ATAD5: variants seen among roughly 807,000 people sequenced by gnomAD.
ATAD5 encodes the protein ATPase family AAA domain-containing protein 5.
ATAD5 carries 58 observed loss-of-function variants against 176.9 expected under a neutral mutation model. The observed-to-expected ratio is 0.33, with a 90% CI of 0.27 to 0.41. The LOEUF (loss-of-function observed/expected upper bound fraction) is 0.41, where lower values mean the gene tolerates loss of function less well. ATAD5 is among the 10% of genes least tolerant of loss of function. The pLI, the probability that ATAD5 is intolerant of heterozygous loss-of-function variation, is 1.00. For missense variants in ATAD5, 1,789 were observed against 2,094.1 expected (o/e 0.85, Z 2.84); for synonymous variants, 640 against 712.6 (o/e 0.90, Z 1.62).
intron 3 of ATAD5, among the ~76,000 whole-genome samples, chr17:30,839,527 G>A (rs1054679012): frequency 3.3e-5 from 5 of 150,238 alleles, no homozygotes; most frequent in Non-Finnish European, 5.9e-5. Flanking sequence ...TGCCCACCTC[G>A]GCCTCCCAAA....
At chr17:30,866,359 G>A (rs1463540118) in intron 11 of ATAD5, among the ~76,000 whole-genome samples, 5 of 150,646 alleles carry the variant, frequency 3.3e-5, no homozygotes, top group Non-Finnish European at 7.4e-5. Flanking sequence ...CGCCATGCCA[G>A]GCTAATTTTT....
At chr17:30,872,375 T>A (rs1908384368) in intron 14 of ATAD5, among the ~76,000 whole-genome samples, 1 of 152,084 alleles carries the variant, frequency 6.6e-6, no homozygotes, top group South Asian at 2.1e-4. Context: ...CATTCACAGC[T>A]CTCTGTGAGC....
rs1909852322 is a variant in ATAD5 at position 30,895,348 on chromosome 17, A to G, written c.*435A>G. On this transcript the variant is annotated 3_prime_UTR_variant, in exon 23 of 23. Transcript: ENST00000321990. ...CAAAAACAAAAACATTATCTGGTGA[A>G]TTATATTTTTAACCTAAAAGTTAAG... The G allele has an allele frequency of 6.6e-6, 1 of 151,808 alleles. No individual in the cohort carries two copies. Among genetic ancestry groups the G allele is most frequent in the African/African-American group, 2.4e-5 (1 of 41,272 alleles). 9.4% of individuals were successfully genotyped at this position (151,808 alleles called of 1,614,324 possible).
At chr17:30,851,193 A>G (rs1293507017) in intron 6 of ATAD5, among the ~76,000 whole-genome samples, 2 of 149,104 alleles carry the variant, frequency 1.3e-5, no homozygotes, top group Admixed American at 6.7e-5. Flanking sequence ...CGGTCTCTAA[A>G]AATATATATT....
chr17:30,888,009 CTT>C (rs1213004355), intron 19 of ATAD5, among the ~76,000 whole-genome samples: 1 of 151,328 alleles, frequency 6.6e-6, no homozygotes, highest in Non-Finnish European at 1.5e-5. Flanking sequence ...TTTTTTTTGT[CTT>C]TTTAGTAGAG....
chr17:30,845,996 G>T (rs1021212966), intron 6 of ATAD5, among the ~76,000 whole-genome samples: 1 of 152,120 alleles, frequency 6.6e-6, no homozygotes, highest in African/African-American at 2.4e-5. Flanking sequence ...CTTTTTTTCT[G>T]TTCAAGTTTT....
intron 2 of ATAD5, 85 bp downstream of exon 2, chr17:30,836,133 T>C (rs1254034978): frequency 9.8e-6 from 11 of 1,117,898 alleles, no homozygotes; most frequent in South Asian, 2.2e-5. Flanking sequence ...TTGGAGGGTA[T>C]TTTTTTTTCT....
chr17:30,873,184 A>G (rs1033864601), intron 14 of ATAD5, among the ~76,000 whole-genome samples: 1 of 152,036 alleles, frequency 6.6e-6, no homozygotes, highest in Non-Finnish European at 1.5e-5. Flanking sequence ...GAACTATTTT[A>G]ATTGGTTTGT....
chr17:30,881,024 C>CT (rs1597992159), intron 18 of ATAD5, among the ~76,000 whole-genome samples: 1 of 151,078 alleles, frequency 6.6e-6, no homozygotes, highest in East Asian at 1.9e-4. Flanking sequence ...GAACAAGGCA[C>CT]TTTTTTAACC....
chr17:30,893,034 G>A (rs1452412953), intron 20 of ATAD5, among the ~76,000 whole-genome samples: 1 of 152,028 alleles, frequency 6.6e-6, no homozygotes, highest in African/African-American at 2.4e-5. Flanking sequence ...TCAGAAAAGT[G>A]GTTTTAAATA....
intron 18 of ATAD5, among the ~76,000 whole-genome samples, chr17:30,880,608 CAAAAA>C (rs199862765): frequency 1.3e-5 from 1 of 79,238 alleles, no homozygotes. Context: ...AACTACATCT[CAAAAA>C]AAAAAAAAAA....
At chr17:30,870,251 T>C (rs944118989) in intron 14 of ATAD5, among the ~76,000 whole-genome samples, 5 of 152,184 alleles carry the variant, frequency 3.3e-5, no homozygotes, top group Non-Finnish European at 5.9e-5. Context: ...TCAGTTCTCT[T>C]AACTTTCTTT....
intron 3 of ATAD5, among the ~76,000 whole-genome samples, chr17:30,839,578 T>A (rs1905963216): frequency 7.0e-6 from 1 of 143,430 alleles, no homozygotes; most frequent in Admixed American, 6.8e-5. Flanking sequence ...CCCGGCCATC[T>A]TCTTTTTTTT....
At position 30,835,688 on chromosome 17, in the gene ATAD5, A is replaced by T; in HGVS notation, c.1607A>T (p.Asn536Ile). 1 of 1,608,326 alleles carries T rather than the reference A, an allele frequency of 6.2e-7. No homozygotes were observed. Residue 536 changes from asparagine to isoleucine, a missense_variant, in exon 2 of 23, where the codon AAT becomes ATT. Asn to Ile is a moderately radical substitution (Grantham distance 149). This residue lies in a region of ATAD5 where 696 missense variants were observed against 712.5 expected (regional missense o/e 0.98). Transcript: ENST00000321990. ...EFFKSSTLFNNESLVYEDIAN... is the reference protein window; with the variant it reads ...EFFKSSTLFNIESLVYEDIAN... ...TTCAAAAGCAGCACTTTATTTAACA[A>T]TGAAAGTCTTGTTTATGAAGATATA...
intron 19 of ATAD5, among the ~76,000 whole-genome samples, chr17:30,889,886 CTTT>C (rs60266614): frequency 4.7e-4 from 45 of 95,684 alleles, no homozygotes; most frequent in African/African-American, 1.6e-3. Context: ...TCTTTTCTTT[CTTT>C]TTTTTTTTTT....
At chr17:30,893,255 T>C in intron 20 of ATAD5, 39 bp from the exon 21 acceptor site, 1 of 1,528,586 alleles carries the variant, frequency 6.5e-7, no homozygotes, top group African/African-American at 1.4e-5. Context: ...TCAAACTATG[T>C]ACTGCTGTAA....
In ATAD5 at chr17:30,835,238, G is replaced by A. The variant is rs370872412; in HGVS notation, c.1157G>A (p.Gly386Glu). Residue 386 changes from glycine to glutamate, a missense_variant, in exon 2 of 23, where the codon GGA becomes GAA. Transcript: ENST00000321990. ...EELELAVLEAGSSEAVKPKCT... is the reference protein window; with the variant it reads ...EELELAVLEAESSEAVKPKCT... ...TTAGAATTGGCTGTTTTGGAAGCTGGAAGTTCTGAAGCTGTGAAACCAAAA... is the reference window on the plus strand; with the variant it reads ...TTAGAATTGGCTGTTTTGGAAGCTGAAAGTTCTGAAGCTGTGAAACCAAAA... 27 of 1,614,052 alleles carry A rather than the reference G, an allele frequency of 1.7e-5. No homozygotes were observed. The highest frequency in any genetic ancestry group is 2.3e-5 in the Non-Finnish European group (27 of 1,179,996).
chr17:30,834,306 GA>G lies in ATAD5; in HGVS notation c.226del (p.Thr76HisfsTer3). On this transcript the variant is annotated frameshift_variant, in exon 2 of 23. Coordinates refer to ENST00000321990, the MANE Select transcript of ATAD5 (RefSeq NM_024857.5). LOFTEE classifies it high-confidence loss of function. ...GAAAGACTTCACCCACAAATGAGAAGACACAATTAGGGAAAGAGTGCAAGAT... is the reference window on the plus strand; with the variant it reads ...GAAAGACTTCACCCACAAATGAGAAGCACAATTAGGGAAAGAGTGCAAGAT... ...FRKTSPTNEK[T>X]QLGKECKIKS... 6.2e-7 allele frequency: 1 copy of G among 1,613,310 alleles called. No homozygotes were observed. Among genetic ancestry groups the G allele is most frequent in the Non-Finnish European group, 8.5e-7 (1 of 1,179,802 alleles).
At chr17:30,860,660 T>C (rs1907575381) in intron 10 of ATAD5, 48 bp downstream of exon 10, 27 of 1,425,410 alleles carry the variant, frequency 1.9e-5, no homozygotes, top group Non-Finnish European at 2.4e-5. Context: ...TTTGAGGACA[T>C]GCAAAGTGGA....
Sources: gnomAD v4.1 joint callset for allele counts (sites outside exome capture counted in the v4.1 genomes callset) on GRCh38, gnomAD v4.1.1 for gene constraint, gnomAD v4.1.1 regional missense constraint, MANE v1.5 for transcripts, NCBI Gene and HGNC (gene_info 2026-07-23, HGNC 2026-07-21) for gene names.